CTNNA2: variants seen among roughly 807,000 people sequenced by gnomAD.
CTNNA2 encodes the protein catenin alpha-2.
CTNNA2 carries 42 observed loss-of-function variants against 101.0 expected under a neutral mutation model. The ratio of observed to expected loss-of-function variants is 0.42; its 90% CI spans 0.32 to 0.54. The LOEUF (loss-of-function observed/expected upper bound fraction) is 0.54. Ranked by LOEUF, CTNNA2 falls within the 20% of genes least tolerant of loss-of-function variation. CTNNA2 has a pLI of 0.14. For missense variants in CTNNA2, 871 were observed against 1,223.1 expected (o/e 0.71, Z 4.29); for synonymous variants, 450 against 456.4 (o/e 0.99, Z 0.18).
At chr2:79,782,041 G>C (rs975434283) in intron 3 of CTNNA2, among the ~76,000 whole-genome samples, 12 of 152,150 alleles carry the variant, frequency 7.9e-5, no homozygotes, top group African/African-American at 2.4e-4. Flanking sequence ...TTTCACATTT[G>C]TACATGGATT....
At chr2:80,460,170 A>C (rs2149470729) in intron 9 of CTNNA2, among the ~76,000 whole-genome samples, 1 of 152,270 alleles carries the variant, frequency 6.6e-6, no homozygotes, top group South Asian at 2.1e-4. Flanking sequence ...GTAGAAGAAA[A>C]AAAATTGCCT....
At chr2:80,512,725 C>G (rs1011504576) in intron 9 of CTNNA2, among the ~76,000 whole-genome samples, 3 of 151,206 alleles carry the variant, frequency 2.0e-5, no homozygotes, top group Non-Finnish European at 4.4e-5. Context: ...TACATTTGTT[C>G]ACCTATGTCA....
intron 7 of CTNNA2, among the ~76,000 whole-genome samples, chr2:80,368,903 G>T (rs1444079165): frequency 2.0e-5 from 3 of 149,660 alleles, no homozygotes; most frequent in African/African-American, 7.4e-5. Flanking sequence ...CTAGGCTAGT[G>T]GGTAGGAATG....
chr2:80,256,980 A>G (rs2149115736), intron 7 of CTNNA2, among the ~76,000 whole-genome samples: 1 of 152,290 alleles, frequency 6.6e-6, no homozygotes, highest in African/African-American at 2.4e-5. Context: ...TTCATTTTGT[A>G]GGAAGGATGA....
At chr2:79,725,826 C>T (rs1573799549) in intron 2 of CTNNA2, among the ~76,000 whole-genome samples, 1 of 152,292 alleles carries the variant, frequency 6.6e-6, no homozygotes, top group African/African-American at 2.4e-5. Flanking sequence ...TCTCCTGCTG[C>T]CTGCCTCCAG....
chr2:80,075,670 ATAAATATTATAAAAATAATATTTATACTT>A lies in CTNNA2; in HGVS notation c.1056+165874_1056+165902del, dbSNP rs1558783674. Among the ~76,000 whole-genome samples, 308 of 110,054 alleles carry A rather than the reference ATAAATATTATAAAAATAATATTTATACTT, an allele frequency of 2.8e-3. 16 individuals carry two copies. Among genetic ancestry groups the A allele is most frequent in the African/African-American group, 0.011 (279 of 25,926 alleles). The allele number at this position is 110,054 out of a possible 152,430, so 72.2% of individuals were successfully genotyped here. ...TTATAAAAATAATATTTATACATGT[ATAAATATTATAAAAATAATATTTATACTT>A]GTATAAATATTATAAAAATAATATT... On this transcript the variant is annotated intron_variant, in intron 7 of 18. Coordinates refer to ENST00000402739, the MANE Select transcript of CTNNA2 (RefSeq NM_001282597.3).
At chr2:79,593,181 C>G (rs998089606) in intron 1 of CTNNA2, among the ~76,000 whole-genome samples, 1 of 152,186 alleles carries the variant, frequency 6.6e-6, no homozygotes, top group African/African-American at 2.4e-5. Context: ...CTTCCTCATC[C>G]TGCCTGGACA....
intron 3 of CTNNA2, among the ~76,000 whole-genome samples, chr2:79,790,157 G>A (rs993563450): frequency 2.0e-5 from 3 of 152,270 alleles, no homozygotes; most frequent in Non-Finnish European, 2.9e-5. Flanking sequence ...AATATCTTAC[G>A]TAGAATTTGT....
In CTNNA2 at chr2:80,458,872, A is replaced by C. The variant is rs1312199368; in HGVS notation, c.1290+39271A>C. On this transcript the variant is annotated intron_variant, in intron 9 of 18. Coordinates refer to ENST00000402739, the MANE Select transcript of CTNNA2 (RefSeq NM_001282597.3). ...ACTTTGATGTATAGTCATGGGCTAC[A>C]TAAGGACATTTCAGTCTAGAATAGA... Among the ~76,000 whole-genome samples the C allele has an allele frequency of 1.3e-5, 2 of 152,230 alleles. 1 individual carries two copies. Among genetic ancestry groups the C allele is most frequent in the South Asian group, 4.1e-4 (2 of 4,832 alleles).
At chr2:80,542,878 T>TTCC (rs199831143) in intron 9 of CTNNA2, among the ~76,000 whole-genome samples, 12 of 150,520 alleles carry the variant, frequency 8.0e-5, no homozygotes, top group African/African-American at 2.9e-4. Flanking sequence ...CCTGATTTTT[T>TTCC]CCCCCCCCCA....
At chr2:79,646,226 G>A (rs1680803118) in intron 1 of CTNNA2, among the ~76,000 whole-genome samples, 1 of 152,288 alleles carries the variant, frequency 6.6e-6, no homozygotes, top group Admixed American at 6.5e-5. Context: ...AACATATCTG[G>A]CATTTGAAGG....
intron 9 of CTNNA2, among the ~76,000 whole-genome samples, chr2:80,542,063 C>T (rs936457741): frequency 2.6e-5 from 4 of 151,072 alleles, no homozygotes; most frequent in Admixed American, 2.6e-4. Flanking sequence ...TTCCAAACAT[C>T]AGTTCATCAA....
chr2:80,350,247 C>T (rs982196163), intron 7 of CTNNA2, among the ~76,000 whole-genome samples: 3 of 152,098 alleles, frequency 2.0e-5, no homozygotes, highest in African/African-American at 7.2e-5. Context: ...ACTAAATGCC[C>T]ATAGTGCCAA....
At chr2:80,623,131 C>A (rs1292873861) in intron 18 of CTNNA2, among the ~76,000 whole-genome samples, 2 of 150,566 alleles carry the variant, frequency 1.3e-5, no homozygotes, top group African/African-American at 4.9e-5. Context: ...CAACTGTTCT[C>A]CTTTCTTCCT....
At chr2:80,410,703 C>CA (rs1387006307) in intron 8 of CTNNA2, among the ~76,000 whole-genome samples, 2 of 151,936 alleles carry the variant, frequency 1.3e-5, no homozygotes, top group African/African-American at 4.8e-5. Context: ...CTGGAGGGGT[C>CA]AAAAAAATGT....
chr2:80,270,590 T>C (rs1319222349), intron 7 of CTNNA2, among the ~76,000 whole-genome samples: 1 of 152,164 alleles, frequency 6.6e-6, no homozygotes. Context: ...CCCTTTATGG[T>C]TTGTGTTCTC....
chr2:79,772,473 C>A (rs143171261), intron 3 of CTNNA2, among the ~76,000 whole-genome samples: 265 of 152,292 alleles, frequency 1.7e-3, no homozygotes, highest in African/African-American at 6.1e-3. Flanking sequence ...GAAGTGGATG[C>A]ATGGTCTGGT....
At chr2:79,396,625 T>G (rs1678234684) in intron 4 of CTNNA2, among the ~76,000 whole-genome samples, 2 of 152,170 alleles carry the variant, frequency 1.3e-5, no homozygotes, top group Non-Finnish European at 2.9e-5. Context: ...CATGGATTGA[T>G]CTCATTTGAA....
At chr2:80,192,866 A>G (rs1181728843) in intron 7 of CTNNA2, among the ~76,000 whole-genome samples, 1 of 152,188 alleles carries the variant, frequency 6.6e-6, no homozygotes, top group African/African-American at 2.4e-5. Flanking sequence ...TCAGAAATAT[A>G]ATCTACTCAG....
Sources: allele counts gnomAD v4.1 joint callset (sites outside exome capture counted in the v4.1 genomes callset), GRCh38; gene constraint gnomAD v4.1.1; transcripts MANE v1.5; gene names NCBI Gene and HGNC (gene_info 2026-07-23, HGNC 2026-07-21).